The following CNTNAP2 variants were observed in gnomAD, a reference collection of about 807,000 sequenced individuals.
CNTNAP2 encodes the protein contactin-associated protein-like 2.
In CNTNAP2, 98 loss-of-function variants were observed where a neutral mutation model predicts 155.2. The ratio of observed to expected loss-of-function variants is 0.63; its 90% CI spans 0.54 to 0.75. The LOEUF is 0.75. Among genes scored for constraint, CNTNAP2 ranks in the 30% least tolerant of loss-of-function variants. The probability of loss-of-function intolerance (pLI) is 0.00; values close to 1 mark genes in which losing one functional copy is unlikely to be tolerated. For synonymous variants in CNTNAP2, 651 were observed against 631.2 expected (o/e 1.03, Z -0.47); for missense variants, 1,727 against 1,688.1 (o/e 1.02, Z -0.40).
At chr7:147,595,212 ACTCTC>A (rs1371902043) in intron 12 of CNTNAP2, among the ~76,000 whole-genome samples, 2 of 152,014 alleles carry the variant, frequency 1.3e-5, no homozygotes, top group African/African-American at 4.8e-5. Context: ...TTAATGTGTC[ACTCTC>A]CTCTAACAGC....
At chr7:148,038,721 T>C (rs1400429778) in intron 15 of CNTNAP2, among the ~76,000 whole-genome samples, 1 of 152,104 alleles carries the variant, frequency 6.6e-6, no homozygotes, top group Non-Finnish European at 1.5e-5. Context: ...TTGATGCCCA[T>C]AGAAACTCCA....
At chr7:148,201,472 C>T (rs1239475071) in intron 18 of CNTNAP2, among the ~76,000 whole-genome samples, 1 of 152,168 alleles carries the variant, frequency 6.6e-6, no homozygotes, top group East Asian at 1.9e-4. Flanking sequence ...ACCATTTTAT[C>T]CTATTTCTTC....
At chr7:147,468,467 G>A (rs1251255144) in intron 10 of CNTNAP2, among the ~76,000 whole-genome samples, 1 of 152,100 alleles carries the variant, frequency 6.6e-6, no homozygotes, top group African/African-American at 2.4e-5. Flanking sequence ...TATATATAAA[G>A]CCTTCAGTAA....
At chr7:147,099,411 T>C (rs1800610914) in intron 4 of CNTNAP2, among the ~76,000 whole-genome samples, 1 of 152,052 alleles carries the variant, frequency 6.6e-6, no homozygotes, top group Non-Finnish European at 1.5e-5. Flanking sequence ...ATGGTCAGGA[T>C]AGAGGGGAAG....
rs1379030865 is a variant in CNTNAP2 at position 148,383,721 on chromosome 7, A to G, written c.3548A>G (p.Gln1183Arg). ...PGFTGCLSRV[Q>R]FNQIAPLKAA... is the part of the protein sequence containing the mutation. The stretch of plus-strand genomic sequence containing the variant: ...TTCACTGGTTGCCTCTCCAGAGTCC[A>G]GTTCAACCAGATCGCCCCTCTCAAG... The change falls in exon 22 of 24, where the codon CAG becomes CGG. Residue 1183 changes from glutamine (Q) to arginine (R), a missense_variant. Coordinates refer to ENST00000361727, the MANE Select transcript of CNTNAP2 (RefSeq NM_014141.6). The G allele has an allele frequency of 2.5e-6, 4 of 1,614,096 alleles. No individual in the cohort carries two copies. The highest frequency in any genetic ancestry group is 3.4e-6 in the Non-Finnish European group (4 of 1,180,040).
chr7:146,829,761 GC>G (rs970112562), intron 2 of CNTNAP2, among the ~76,000 whole-genome samples: 2 of 151,992 alleles, frequency 1.3e-5, no homozygotes, highest in African/African-American at 4.8e-5. Context: ...CTGTTATAAA[GC>G]TTAACCGTCT....
rs140246479 is a variant in CNTNAP2 at position 146,894,031 on chromosome 7, G to C, written c.402+54127G>C. 6.5e-3 allele frequency among the ~76,000 whole-genome samples: 988 copies of C among 152,260 alleles called. 8 individuals are homozygous for C. The highest frequency in any genetic ancestry group is 0.01 in the Non-Finnish European group (701 of 68,012). Reference sequence around the variant, plus strand: ...GAGAAGACAGTGGATACTGCCTATAGAAACTGTGAAAGGACCACTGGTTGC... The same window carrying C: ...GAGAAGACAGTGGATACTGCCTATACAAACTGTGAAAGGACCACTGGTTGC... On this transcript the variant is annotated intron_variant, in intron 3 of 23. Coordinates refer to ENST00000361727, the MANE Select transcript of CNTNAP2 (RefSeq NM_014141.6).
chr7:147,912,677 G>A (rs1347404228), intron 14 of CNTNAP2, among the ~76,000 whole-genome samples: 1 of 152,122 alleles, frequency 6.6e-6, no homozygotes, highest in Non-Finnish European at 1.5e-5. Flanking sequence ...AGCCTCCTAT[G>A]GGTCTCAACC....
chr7:146,990,594 A>G (rs997142223), intron 3 of CNTNAP2, among the ~76,000 whole-genome samples: 1 of 151,918 alleles, frequency 6.6e-6, no homozygotes, highest in Admixed American at 6.6e-5. Context: ...AGTTCCAAGT[A>G]CTTTTCACAA....
intron 22 of CNTNAP2, among the ~76,000 whole-genome samples, chr7:148,403,356 T>C (rs971937932): frequency 6.6e-6 from 1 of 152,094 alleles, no homozygotes; most frequent in Non-Finnish European, 1.5e-5. Context: ...TTTATAAGAC[T>C]CTAAATCAGA....
chr7:146,433,290 C>G (rs1796196963), intron 1 of CNTNAP2, among the ~76,000 whole-genome samples: 1 of 152,022 alleles, frequency 6.6e-6, no homozygotes, highest in African/African-American at 2.4e-5. Context: ...GTTGGTCTCT[C>G]TTAACTTAAT....
chr7:148,287,265 T>A (rs1243594558), intron 21 of CNTNAP2, among the ~76,000 whole-genome samples: 1 of 152,236 alleles, frequency 6.6e-6, no homozygotes, highest in Non-Finnish European at 1.5e-5. Flanking sequence ...TCATTTCTTT[T>A]GATTGATAAA....
intron 8 of CNTNAP2, among the ~76,000 whole-genome samples, chr7:147,260,948 T>A (rs1411583791): frequency 1.3e-5 from 2 of 152,212 alleles, no homozygotes; most frequent in Admixed American, 1.3e-4. Flanking sequence ...CGTTATAATA[T>A]GTTTTCCAGA....
At chr7:147,613,229 C>G (rs537972519) in intron 12 of CNTNAP2, among the ~76,000 whole-genome samples, 29 of 152,210 alleles carry the variant, frequency 1.9e-4, no homozygotes, top group Middle Eastern at 6.8e-3. Flanking sequence ...TTTGTATTTC[C>G]CTGGTTACTG....
intron 13 of CNTNAP2, among the ~76,000 whole-genome samples, chr7:147,802,776 A>T (rs1295187686): frequency 1.8e-5 from 1 of 55,178 alleles, no homozygotes. Flanking sequence ...GAAAGGGGAG[A>T]GGGAGAGGGA....
At chr7:147,749,538 T>A (rs954682433) in intron 13 of CNTNAP2, among the ~76,000 whole-genome samples, 2 of 152,198 alleles carry the variant, frequency 1.3e-5, no homozygotes, top group Non-Finnish European at 2.9e-5. Context: ...ATAATATTAC[T>A]ATTTTTACCA....
Position 146,116,814 on chromosome 7 carries a change from A to T in CNTNAP2, c.-63A>T. 1 of 1,338,756 alleles carries T rather than the reference A, an allele frequency of 7.5e-7. No individual in the cohort carries two copies. Among genetic ancestry groups the T allele is most frequent in the Non-Finnish European group, 1.0e-6 (1 of 969,606 alleles). The allele number at this position is 1,338,756 out of a possible 1,614,324, so 82.9% of individuals were successfully genotyped here. The stretch of plus-strand genomic sequence containing the variant: ...CAGCCCATCTCCCTTCAAGAACCCT[A>T]CGGAGAGTCGGACTGCATCTCCGCA... On this transcript the variant is annotated 5_prime_UTR_variant, in exon 1 of 24. Transcript: ENST00000361727. This position sits in a 1 kb window ranked among gnomAD's most constrained non-coding sequence, Gnocchi z 5.5.
At chr7:146,905,127 G>A (rs1391578086) in intron 3 of CNTNAP2, among the ~76,000 whole-genome samples, 1 of 151,976 alleles carries the variant, frequency 6.6e-6, no homozygotes, top group Non-Finnish European at 1.5e-5. Flanking sequence ...TAGTAACAAT[G>A]CCTACCTCCG....
At chr7:147,929,213 T>G (rs771933249) in intron 14 of CNTNAP2, among the ~76,000 whole-genome samples, 3 of 151,552 alleles carry the variant, frequency 2.0e-5, no homozygotes, top group Non-Finnish European at 4.4e-5. Context: ...AGTCAAATTG[T>G]GATGACCAGT....
Sources: gnomAD v4.1 joint callset for allele counts (sites outside exome capture counted in the v4.1 genomes callset) on GRCh38, gnomAD v4.1.1 for gene constraint, Gnocchi (gnomAD v3.1) non-coding constraint, MANE v1.5 for transcripts, NCBI Gene and HGNC (gene_info 2026-07-23, HGNC 2026-07-21) for gene names.